Variants in CSMD1 observed in about 807,000 individuals in gnomAD.
CSMD1 encodes CUB and Sushi multiple domains 1.
In CSMD1, 213 loss-of-function variants were observed where a neutral mutation model predicts 417.5. That is an observed-to-expected ratio of 0.51 (90% CI 0.46 to 0.57). The LOEUF (loss-of-function observed/expected upper bound fraction) is 0.57, where lower values mean the gene tolerates loss of function less well. Among genes scored for constraint, CSMD1 ranks in the 20% least tolerant of loss-of-function variants. The pLI is 0.00. For synonymous variants in CSMD1, 2,862 were observed against 1,736.8 expected (o/e 1.65, Z -16.11); for missense variants, 6,923 against 4,529.7 (o/e 1.53, Z -15.17).
chr8:4,795,269 T>C (rs1797914972), intron 1 of CSMD1, among the ~76,000 whole-genome samples: 1 of 100,500 alleles, frequency 1.0e-5, no homozygotes, highest in South Asian at 3.8e-4. Flanking sequence ...TTTTTTTTTT[T>C]TTTTTTTTTT....
chr8:3,465,516 G>T (rs1419165384), intron 12 of CSMD1, among the ~76,000 whole-genome samples: 12 of 152,124 alleles, frequency 7.9e-5, no homozygotes, highest in African/African-American at 2.9e-4. Context: ...GGGGTAGTGG[G>T]GGTGCCAGGA....
Position 3,151,141 on chromosome 8 carries a change from T to C in CSMD1, c.6031+256A>G, listed in dbSNP as rs952728378. ...TAATTGAATTAGGGATGCTATATTT[T>C]GTACTTCGTATGCCTACTATATCAT... On this transcript the variant is annotated intron_variant, in intron 40 of 69. Coordinates refer to ENST00000635120, the MANE Select transcript of CSMD1 (RefSeq NM_033225.6). The C allele has an allele frequency of 1.5e-4, 51 of 340,394 alleles. No homozygotes were observed. In the Middle Eastern group the frequency reaches 2.5e-3, roughly 17 times the overall value. The allele number at this position is 340,394 out of a possible 1,614,324, so 21.1% of individuals were successfully genotyped here.
chr8:4,803,211 G>A (rs923352512), intron 1 of CSMD1, among the ~76,000 whole-genome samples: 2 of 152,064 alleles, frequency 1.3e-5, no homozygotes, highest in African/African-American at 4.8e-5. Flanking sequence ...CCAAAGTGAG[G>A]ATAAATTCCA....
chr8:4,780,607 G>A (rs1415627384), intron 1 of CSMD1, among the ~76,000 whole-genome samples: 1 of 152,034 alleles, frequency 6.6e-6, no homozygotes, highest in Non-Finnish European at 1.5e-5. Context: ...GGTACAGGTG[G>A]TATTTGGTTA....
intron 4 of CSMD1, among the ~76,000 whole-genome samples, chr8:4,026,778 T>A (rs538773335): frequency 1.2e-4 from 18 of 152,336 alleles, no homozygotes; most frequent in African/African-American, 4.1e-4. Context: ...AATTTAGATT[T>A]AAGTTTGAAG....
intron 18 of CSMD1, among the ~76,000 whole-genome samples, chr8:3,372,250 G>T (rs548074581): frequency 6.6e-6 from 1 of 152,290 alleles, no homozygotes; most frequent in East Asian, 1.9e-4. Context: ...GAGAGAAAGT[G>T]GTTAGGACCA....
chr8:4,628,943 G>T (rs538476739), intron 2 of CSMD1, among the ~76,000 whole-genome samples: 5 of 152,246 alleles, frequency 3.3e-5, no homozygotes, highest in Admixed American at 2.6e-4. Context: ...CTGATACTGT[G>T]TTTATTCTTA....
At chr8:3,384,418 C>T (rs2116790839) in intron 18 of CSMD1, among the ~76,000 whole-genome samples, 1 of 151,496 alleles carries the variant, frequency 6.6e-6, no homozygotes, top group African/African-American at 2.4e-5. Flanking sequence ...AGTTTCTGTA[C>T]AGACAAAGAT....
At position 4,525,894 on chromosome 8, in the gene CSMD1, A is replaced by C. The variant is rs75484353; in HGVS notation, c.303-105829T>G. Among the ~76,000 whole-genome samples, 902 of 152,240 alleles carry C rather than the reference A, an allele frequency of 5.9e-3. 13 individuals are homozygous for C. The highest frequency in any genetic ancestry group is 0.02 in the African/African-American group (830 of 41,544). On this transcript the variant is annotated intron_variant, in intron 2 of 69. Transcript: ENST00000635120. ...TTCCAGTCCCACATGCATTTATTGA[A>C]TGATAAGTGCAGGCCTTAGTAACCA...
intron 23 of CSMD1, among the ~76,000 whole-genome samples, chr8:3,323,916 AATAG>A: frequency 6.9e-6 from 1 of 145,108 alleles, no homozygotes; most frequent in Admixed American, 6.9e-5. Flanking sequence ...TCATTGTTAA[AATAG>A]ACACACATCT....
intron 5 of CSMD1, among the ~76,000 whole-genome samples, chr8:3,942,791 T>C (rs1810969983): frequency 6.6e-6 from 1 of 152,158 alleles, no homozygotes. Context: ...GTTACTGGGA[T>C]AAGAAAAATA....
intron 5 of CSMD1, among the ~76,000 whole-genome samples, chr8:3,984,768 C>CGT (rs370317456): frequency 3.1e-3 from 240 of 78,290 alleles, no homozygotes; most frequent in East Asian, 6.0e-3. Flanking sequence ...TGTATTTGTG[C>CGT]GTGTGTGTGT....
Position 3,054,686 on chromosome 8 carries a change from C to T in CSMD1, c.7475-2039G>A, listed in dbSNP as rs115184513. 3.1e-3 allele frequency among the ~76,000 whole-genome samples: 476 copies of T among 152,196 alleles called. 3 individuals carry two copies. The highest frequency in any genetic ancestry group is 0.011 in the African/African-American group (453 of 41,506). The stretch of plus-strand genomic sequence containing the variant: ...ATATTTACATGTGTGTACATGTGTC[C>T]ATGTGCGCACGTGTGTACGTGTGTG... On this transcript the variant is annotated intron_variant, in intron 49 of 69. Coordinates refer to ENST00000635120, the MANE Select transcript of CSMD1 (RefSeq NM_033225.6).
chr8:3,291,206 G>A (rs553037672), intron 25 of CSMD1, among the ~76,000 whole-genome samples: 45 of 152,252 alleles, frequency 3.0e-4, no homozygotes, highest in African/African-American at 1.1e-3. Flanking sequence ...ACTTTTTGAT[G>A]TATTGCTGGA....
intron 9 of CSMD1, among the ~76,000 whole-genome samples, chr8:3,581,635 C>T (rs556228614): frequency 2.0e-5 from 3 of 152,250 alleles, no homozygotes; most frequent in African/African-American, 7.2e-5. Flanking sequence ...ATGCACCTCG[C>T]TGGAATACCT....
intron 54 of CSMD1, 143 bp from the exon 55 acceptor site, chr8:2,978,943 C>G: frequency 1.4e-6 from 1 of 715,604 alleles, no homozygotes; most frequent in Non-Finnish European, 2.2e-6. Context: ...AAATTCCACT[C>G]TCACGATGAA....
At chr8:4,219,200 CT>C (rs1334657434) in intron 3 of CSMD1, among the ~76,000 whole-genome samples, 2 of 152,186 alleles carry the variant, frequency 1.3e-5, no homozygotes, top group Non-Finnish European at 2.9e-5. Flanking sequence ...AGAATTTCTG[CT>C]GTAAAATTAT....
At chr8:4,398,145 G>C (rs1186679897) in intron 3 of CSMD1, among the ~76,000 whole-genome samples, 2 of 152,102 alleles carry the variant, frequency 1.3e-5, no homozygotes, top group African/African-American at 4.8e-5. Context: ...GTTTAGAGCA[G>C]GTGGTTCTAC....
At chr8:4,436,242 T>G (rs1177561561) in intron 2 of CSMD1, among the ~76,000 whole-genome samples, 7 of 152,216 alleles carry the variant, frequency 4.6e-5, no homozygotes, top group Admixed American at 4.6e-4. Flanking sequence ...ACAAAATTAG[T>G]TCATACTTAA....
Sources: gnomAD v4.1 joint callset for allele counts (sites outside exome capture counted in the v4.1 genomes callset) on GRCh38, gnomAD v4.1.1 for gene constraint, MANE v1.5 for transcripts, NCBI Gene and HGNC (gene_info 2026-07-23, HGNC 2026-07-21) for gene names.